CELF2: variants seen among roughly 807,000 people sequenced by gnomAD.
CELF2 encodes the protein CUGBP Elav-like family member 2, also known as CUG triplet repeat RNA-binding protein 2.
In CELF2, 8 loss-of-function variants were observed where a neutral mutation model predicts 62.6. The ratio of observed to expected loss-of-function variants is 0.13; its 90% confidence interval spans 0.07 to 0.23. The LOEUF (loss-of-function observed/expected upper bound fraction) is 0.23. Ranked by LOEUF, CELF2 falls within the 10% of genes least tolerant of loss-of-function variation. CELF2 has a pLI of 1.00. For synonymous variants in CELF2, 258 were observed against 250.0 expected, an observed-to-expected ratio of 1.03 and a Z score of -0.30; for missense variants, 333 against 671.0, an observed-to-expected ratio of 0.50 and a Z score of 5.56.
At chr10:11,048,587 C>G (rs1389004090) in intron 1 of CELF2, among the ~76,000 whole-genome samples, 1 of 152,210 alleles carries the variant, frequency 6.6e-6, no homozygotes, top group African/African-American at 2.4e-5. Flanking sequence ...TTAGATCCAC[C>G]CTTGTTTGAC....
chr10:10,956,324 G>A (rs376408258), intron 2 of CELF2, among the ~76,000 whole-genome samples: 1 of 152,188 alleles, frequency 6.6e-6, no homozygotes. Flanking sequence ...GCTTTAAAAT[G>A]CTTTTCTGGA....
rs115428230 is a variant in CELF2, at chr10:11,108,648, G to T, written c.75-56838G>T. On this transcript the variant is annotated intron_variant, in intron 1 of 12. Coordinates refer to ENST00000633077, the MANE Select transcript of CELF2 (RefSeq NM_001326342.2). Reference sequence around the variant, plus strand: ...TCATCAAGTGTGGGAGATCCTTTCTGGGATGACTGGACCCATTCATACTCC... The same window carrying T: ...TCATCAAGTGTGGGAGATCCTTTCTTGGATGACTGGACCCATTCATACTCC... Among the ~76,000 whole-genome samples, 1,443 of 152,234 alleles carry T rather than the reference G, an allele frequency of 9.5e-3. 23 individuals carry two copies. The highest frequency in any genetic ancestry group is 0.034 in the African/African-American group (1,393 of 41,516).
intron 2 of CELF2, among the ~76,000 whole-genome samples, chr10:11,199,598 C>T (rs2058755780): frequency 6.6e-6 from 1 of 152,172 alleles, no homozygotes; most frequent in South Asian, 2.1e-4. Context: ...TGGTAAATTC[C>T]ATGAAATTCA....
At chr10:11,295,874 G>T (rs2093113957) in intron 9 of CELF2, among the ~76,000 whole-genome samples, 1 of 152,192 alleles carries the variant, frequency 6.6e-6, no homozygotes. Context: ...GGCCCCTTGT[G>T]TGGAGGGAGT....
At chr10:10,824,146 A>G (rs1281750130) in intron 1 of CELF2, among the ~76,000 whole-genome samples, 1 of 152,220 alleles carries the variant, frequency 6.6e-6, no homozygotes, top group Non-Finnish European at 1.5e-5. Context: ...ATTATACAAC[A>G]AATTTTAGCC....
At chr10:10,772,061 A>G in the CELF2 span, among the ~76,000 whole-genome samples, 1 of 152,212 alleles carries the variant, frequency 6.6e-6, no homozygotes, top group Non-Finnish European at 1.5e-5. Flanking sequence ...ATGGAGTAGA[A>G]CTTCATTACT....
chr10:10,768,472 C>T, the CELF2 span, among the ~76,000 whole-genome samples: 1 of 152,200 alleles, frequency 6.6e-6, no homozygotes, highest in African/African-American at 2.4e-5. Flanking sequence ...CTGGAAAGAG[C>T]TAAGGTCAAG....
chr10:10,556,048 ATACT>A, the CELF2 span, among the ~76,000 whole-genome samples: 1 of 152,126 alleles, frequency 6.6e-6, no homozygotes, highest in African/African-American at 2.4e-5. Flanking sequence ...TTTTTTTATT[ATACT>A]TTAAGTTTTA....
chr10:10,484,325 C>T, the CELF2 span, among the ~76,000 whole-genome samples: 49 of 29,806 alleles, frequency 1.6e-3, no homozygotes, highest in African/African-American at 7.8e-3. Context: ...ACTCTTGTCT[C>T]ACTCTCATCT....
the CELF2 span, among the ~76,000 whole-genome samples, chr10:10,680,664 C>T: frequency 6.6e-6 from 1 of 152,210 alleles, no homozygotes; most frequent in East Asian, 1.9e-4. Flanking sequence ...TGGCCCAAGG[C>T]CTCTGACATA....
chr10:11,026,715 G>A (rs1044355778), intron 1 of CELF2, among the ~76,000 whole-genome samples: 8 of 152,058 alleles, frequency 5.3e-5, no homozygotes, highest in African/African-American at 9.7e-5. Flanking sequence ...TTTAATGCCC[G>A]TTTTATCCTT....
chr10:11,286,693 G>A (rs950300826), intron 8 of CELF2, among the ~76,000 whole-genome samples: 4 of 152,206 alleles, frequency 2.6e-5, no homozygotes, highest in African/African-American at 7.2e-5. Context: ...GACCCTTGAC[G>A]AGAGAAAACC....
intron 2 of CELF2, among the ~76,000 whole-genome samples, chr10:11,184,950 T>C (rs534288034): frequency 7.9e-5 from 12 of 152,200 alleles, no homozygotes; most frequent in Non-Finnish European, 1.5e-4. Context: ...ATTATTATCA[T>C]GTTCTTGATA....
chr10:11,035,785 T>C (rs907720422), intron 1 of CELF2, among the ~76,000 whole-genome samples: 6 of 152,198 alleles, frequency 3.9e-5, no homozygotes, highest in Non-Finnish European at 8.8e-5. Context: ...CAATGGACCA[T>C]GTAATGTGCA....
At chr10:11,281,063 C>T (rs770208857) in intron 8 of CELF2, among the ~76,000 whole-genome samples, 18 of 151,162 alleles carry the variant, frequency 1.2e-4, no homozygotes, top group Admixed American at 4.6e-4. Flanking sequence ...CCCTCTTCTC[C>T]GTGTCCTCAC....
chr10:10,518,277 C>T, the CELF2 span, among the ~76,000 whole-genome samples: 2 of 152,244 alleles, frequency 1.3e-5, no homozygotes, highest in African/African-American at 2.4e-5. Context: ...AAGCCCTGCA[C>T]TCTACCTGAA....
chr10:11,050,133 C>G (rs1035707572), intron 1 of CELF2, among the ~76,000 whole-genome samples: 1 of 152,124 alleles, frequency 6.6e-6, no homozygotes, highest in African/African-American at 2.4e-5. Context: ...AAACTGGCCT[C>G]CTGCTAAGGG....
At chr10:11,233,644 C>A (rs2069772173) in intron 3 of CELF2, among the ~76,000 whole-genome samples, 1 of 152,180 alleles carries the variant, frequency 6.6e-6, no homozygotes, top group Non-Finnish European at 1.5e-5. Context: ...ATTGGTGGGT[C>A]AGCCAAAGCC....
the CELF2 span, among the ~76,000 whole-genome samples, chr10:10,755,395 A>G: frequency 6.6e-6 from 1 of 152,206 alleles, no homozygotes; most frequent in African/African-American, 2.4e-5. Context: ...ACTGGCTTCA[A>G]CAATACCGGC....
Sources: allele counts gnomAD v4.1 joint callset (sites outside exome capture counted in the v4.1 genomes callset), GRCh38; gene constraint gnomAD v4.1.1; transcripts MANE v1.5; gene names NCBI Gene and HGNC (gene_info 2026-07-23, HGNC 2026-07-21).